The following ILDR1 variants were observed in gnomAD, a reference collection of about 807,000 sequenced individuals.
ILDR1 encodes the protein immunoglobulin like domain containing receptor 1.
ILDR1 carries 56 observed loss-of-function variants against 62.4 expected under a neutral mutation model. The ratio of observed to expected loss-of-function variants is 0.90; its 90% CI spans 0.72 to 1.12. The LOEUF (loss-of-function observed/expected upper bound fraction) is 1.12. ILDR1 is among the 50% of genes most tolerant of loss of function. The probability of loss-of-function intolerance (pLI) is 0.00; values close to 1 mark genes in which losing one functional copy is unlikely to be tolerated. For synonymous variants in ILDR1, 284 were observed against 277.8 expected (o/e 1.02, Z -0.22); for missense variants, 736 against 710.6 (o/e 1.04, Z -0.41).
At chr3:121,992,610 T>A (rs890751140) in intron 7 of ILDR1, among the ~76,000 whole-genome samples, 33 of 152,226 alleles carry the variant, frequency 2.2e-4, no homozygotes, top group African/African-American at 7.7e-4. Flanking sequence ...ATCAGGGTTT[T>A]AAAAATCAGT....
chr3:122,057,790 G>A, the ILDR1 span, among the ~76,000 whole-genome samples: 1 of 152,136 alleles, frequency 6.6e-6, no homozygotes, highest in East Asian at 1.9e-4. Flanking sequence ...GATCTTGAAA[G>A]GCATGTTCTG....
At chr3:122,040,385 T>C in the ILDR1 span, among the ~76,000 whole-genome samples, 1 of 151,960 alleles carries the variant, frequency 6.6e-6, no homozygotes. Context: ...ATAAAAAATA[T>C]CCATAGTTTT....
the ILDR1 span, among the ~76,000 whole-genome samples, chr3:122,061,317 A>C: frequency 3.3e-5 from 5 of 152,246 alleles, no homozygotes; most frequent in African/African-American, 1.2e-4. Context: ...AATACAAATG[A>C]AATTGCTGAT....
rs141919067 is a variant in ILDR1, at chr3:122,014,349, T to C, written c.59-7188A>G. ...TCACATCTTTTCCTATGTTGTTTTT[T>C]TTAAATTAATCATATTATGTACATT... On this transcript the variant is annotated intron_variant, in intron 1 of 7. Coordinates refer to ENST00000344209, the MANE Select transcript of ILDR1 (RefSeq NM_001199799.2). 4.5e-3 allele frequency among the ~76,000 whole-genome samples: 689 copies of C among 152,358 alleles called. 3 individuals are homozygous for C. The highest frequency in any genetic ancestry group is 0.015 in the African/African-American group (626 of 41,580).
the ILDR1 span, among the ~76,000 whole-genome samples, chr3:122,047,712 A>G: frequency 3.3e-5 from 5 of 152,174 alleles, no homozygotes; most frequent in African/African-American, 1.2e-4. Context: ...TTGACTCAGA[A>G]AGGGAACTCC....
intron 2 of ILDR1, among the ~76,000 whole-genome samples, chr3:122,005,940 A>C (rs535685449): frequency 3.5e-4 from 52 of 150,060 alleles, no homozygotes; most frequent in African/African-American, 4.6e-4. Context: ...AACAAACAAA[A>C]AAAAAACCAA....
chr3:122,026,370 G>T (rs1454612032), upstream of ILDR1, among the ~76,000 whole-genome samples: 1 of 152,172 alleles, frequency 6.6e-6, no homozygotes. Flanking sequence ...GGAGCAGAGA[G>T]AATATTTTGA....
At chr3:122,006,934 A>G in intron 2 of ILDR1, 57 bp downstream of exon 2, 1 of 1,548,310 alleles carries the variant, frequency 6.5e-7, no homozygotes, top group Non-Finnish European at 8.8e-7. Flanking sequence ...CCCTAACCGC[A>G]GTATGTCACA....
At chr3:122,013,609 C>A (rs147022304) in intron 1 of ILDR1, among the ~76,000 whole-genome samples, 1 of 151,774 alleles carries the variant, frequency 6.6e-6, no homozygotes, top group Non-Finnish European at 1.5e-5. Flanking sequence ...CAAATATGAG[C>A]GGAATCAAGG....
At chr3:122,052,615 C>T in the ILDR1 span, among the ~76,000 whole-genome samples, 1 of 152,156 alleles carries the variant, frequency 6.6e-6, no homozygotes, top group Non-Finnish European at 1.5e-5. Context: ...GCTTCTTCGC[C>T]CAGGCTGGAG....
At chr3:122,005,210 C>T (rs2071585336) in intron 3 of ILDR1, 34 bp downstream of exon 3, 1 of 1,198,850 alleles carries the variant, frequency 8.3e-7, no homozygotes, top group Non-Finnish European at 1.2e-6. Context: ...CCTCCCCCCA[C>T]CCCCAGTTCC....
At chr3:122,021,910 G>T in intron 1 of ILDR1, 110 bp downstream of exon 1, 1 of 1,037,208 alleles carries the variant, frequency 9.6e-7, no homozygotes, top group Non-Finnish European at 1.5e-6. Flanking sequence ...CGCCACCAGA[G>T]CGCGGCCCAG....
In ILDR1 at chr3:122,005,280, C is replaced by A; in HGVS notation, c.343G>T (p.Val115Leu). Reference sequence around the variant, plus strand: ...GTGATCTTGCGCTGCCGGTAATCTACCCCCAGCACGGGCTCATTCTGCCCC... The same window carrying A: ...GTGATCTTGCGCTGCCGGTAATCTAACCCCAGCACGGGCTCATTCTGCCCC... ...RRGQNEPVLG[V>L]DYRQRKITIQ... Residue 115 changes from valine (V) to leucine (L), a missense_variant, in exon 3 of 8, where the codon GTA becomes TTA. Transcript: ENST00000344209. 1.3e-6 allele frequency: 2 copies of A among 1,514,768 alleles called. No homozygotes were observed. The highest frequency in any genetic ancestry group is 1.1e-5 in the South Asian group (1 of 89,878). The allele number at this position is 1,514,768 out of a possible 1,614,324, so 93.8% of individuals were successfully genotyped here.
At chr3:122,035,563 T>G in the ILDR1 span, among the ~76,000 whole-genome samples, 1 of 152,304 alleles carries the variant, frequency 6.6e-6, no homozygotes, top group South Asian at 2.1e-4. Context: ...TCCTTGCTAT[T>G]CTCATGATAG....
the ILDR1 span, among the ~76,000 whole-genome samples, chr3:122,050,761 T>A: frequency 2.0e-5 from 3 of 152,170 alleles, no homozygotes; most frequent in Admixed American, 6.5e-5. Context: ...CATGTTTTTG[T>A]ATTGCTGTTT....
intron 5 of ILDR1, among the ~76,000 whole-genome samples, chr3:121,995,102 G>A (rs574613574): frequency 5.2e-4 from 79 of 152,336 alleles, no homozygotes; most frequent in Admixed American, 4.2e-3. Flanking sequence ...CCCCTTAGGT[G>A]GGGCTGGTCT....
chr3:122,003,469 A>G (rs1231327007), intron 3 of ILDR1, among the ~76,000 whole-genome samples: 3 of 152,226 alleles, frequency 2.0e-5, no homozygotes, highest in Non-Finnish European at 2.9e-5. Context: ...CATGATGTGT[A>G]TTGTAAATCT....
intron 2 of ILDR1, 31 bp downstream of exon 2, chr3:122,006,960 C>T (rs2071621070): frequency 6.2e-7 from 1 of 1,601,502 alleles, no homozygotes; most frequent in Non-Finnish European, 8.5e-7. Flanking sequence ...GTCTGGGACC[C>T]ACAGAGGGCC....
the ILDR1 span, among the ~76,000 whole-genome samples, chr3:122,049,279 T>G: frequency 2.0e-5 from 3 of 152,224 alleles, no homozygotes; most frequent in African/African-American, 7.2e-5. Flanking sequence ...ATAGGACTTG[T>G]TTTGTGATCC....
Sources: allele counts gnomAD v4.1 joint callset (sites outside exome capture counted in the v4.1 genomes callset), GRCh38; gene constraint gnomAD v4.1.1; transcripts MANE v1.5; gene names NCBI Gene and HGNC (gene_info 2026-07-23, HGNC 2026-07-21).